TRIM38: variants seen among roughly 807,000 people sequenced by gnomAD.
TRIM38 encodes the protein tripartite motif containing 38.
A neutral mutation model predicts 35.8 loss-of-function variants in TRIM38; 35 were observed. That is an observed-to-expected ratio of 0.98 (90% CI 0.75 to 1.30). The LOEUF (loss-of-function observed/expected upper bound fraction) is 1.30. Ranked by LOEUF, TRIM38 falls within the 50% of genes most tolerant of loss-of-function variation. The pLI is 0.00. For missense variants in TRIM38, 545 were observed against 556.9 expected (o/e 0.98, Z 0.21); for synonymous variants, 198 against 204.7 (o/e 0.97, Z 0.28).
Position 25,989,547 on chromosome 6 carries a change from T to G in TRIM38, c.*5860T>G, listed in dbSNP as rs1313904598. 2.9e-5 allele frequency: 4 copies of G among 140,250 alleles called. No individual in the cohort carries two copies. Among genetic ancestry groups the G allele is most frequent in the Admixed American group, 1.5e-4 (2 of 12,942 alleles). 8.7% of individuals were successfully genotyped at this position (140,250 alleles called of 1,614,324 possible). On this transcript the variant is annotated 3_prime_UTR_variant, in exon 8 of 8. Coordinates refer to ENST00000357085, the MANE Select transcript of TRIM38 (RefSeq NM_006355.5). ...TTTTTTTTTTTTTAATAGAGACGGG[T>G]CTTGCTACAGTGCCCAGGCTGGTCT...
chr6:25,988,282 T>C lies in TRIM38; in HGVS notation c.*4595T>C, dbSNP rs78002920. ...TACCTGTTCTGCTGTTGTACACTGC[T>C]GCTTCAGTAAAAGTTGCTAACACCA... On this transcript the variant is annotated 3_prime_UTR_variant, in exon 8 of 8. Coordinates refer to ENST00000357085, the MANE Select transcript of TRIM38 (RefSeq NM_006355.5). 0.021 allele frequency: 3,141 copies of C among 152,244 alleles called. 91 individuals are homozygous for C. Among genetic ancestry groups the C allele is most frequent in the African/African-American group, 0.061 (2,540 of 41,502 alleles). 9.4% of individuals were successfully genotyped at this position (152,244 alleles called of 1,614,324 possible).
At chr6:25,967,969 G>A (rs567258478) in intron 3 of TRIM38, among the ~76,000 whole-genome samples, 1 of 152,326 alleles carries the variant, frequency 6.6e-6, no homozygotes, top group Non-Finnish European at 1.5e-5. Flanking sequence ...TGTGGAAGGT[G>A]AAGCAGAGGG....
rs1581616161 is a variant in TRIM38 at position 25,989,168 on chromosome 6, A to G, written c.*5481A>G. ...ATGACATGATGTCAAGCATCTTTTC[A>G]TATGCATACTTGCATCTGTGTATCT... On this transcript the variant is annotated 3_prime_UTR_variant, in exon 8 of 8. Transcript: ENST00000357085. 6.6e-6 allele frequency: 1 copy of G among 152,226 alleles called. No individual in the cohort carries two copies. Among genetic ancestry groups the G allele is most frequent in the Admixed American group, 6.5e-5 (1 of 15,278 alleles). The allele number at this position is 152,226 out of a possible 1,614,324, so 9.4% of individuals were successfully genotyped here. A position where few individuals can be genotyped will look rare whatever the true frequency, so the allele number is the denominator to read the frequency against.
rs114992356 is a variant in TRIM38, at chr6:25,983,145, G to T, written c.875-19G>T. ...CACAGCAACAAAATTATTTTTGTTT[G>T]TTTTGTTTTGTTTTGCAGTTAGTGT... is the stretch of plus-strand genomic sequence containing the variant. On this transcript the variant is annotated intron_variant, in intron 7 of 7. Transcript: ENST00000357085. 15,776 of 1,534,792 alleles carry T rather than the reference G, an allele frequency of 0.01. 109 individuals are homozygous for T. Among genetic ancestry groups the T allele is most frequent in the Middle Eastern group, 0.025 (143 of 5,688 alleles).
At chr6:25,971,805 C>T in intron 4 of TRIM38, 64 bp from the exon 5 acceptor site, 1 of 1,355,306 alleles carries the variant, frequency 7.4e-7, no homozygotes, top group Non-Finnish European at 1.0e-6. Flanking sequence ...TCTTGTTTAT[C>T]CATTCATCCA....
At chr6:25,964,449 C>T (rs936803767) in intron 2 of TRIM38, among the ~76,000 whole-genome samples, 56 of 152,208 alleles carry the variant, frequency 3.7e-4, no homozygotes, top group African/African-American at 1.1e-3. Context: ...CAGAGTTTAA[C>T]TTGTAAATGG....
Position 25,983,287 on chromosome 6 carries a change from T to TC in TRIM38, c.1002dup (p.Cys335LeufsTer6). 1.2e-6 allele frequency: 2 copies of TC among 1,614,152 alleles called. No homozygotes were observed. The highest frequency in any genetic ancestry group is 1.7e-6 in the Non-Finnish European group (2 of 1,180,026). ...ACATCTTCCAGGAGATTTACTGCCT[T>TC]CCCCTGTGTCTTGGGTTGTGAAGGC... On this transcript the variant is annotated frameshift_variant, in exon 8 of 8. Transcript: ENST00000357085. LOFTEE classifies it low-confidence loss of function (END_TRUNC).
rs781158747 is a variant in TRIM38, at chr6:25,966,574, A to G, written c.52A>G (p.Ile18Val). 2 of 1,614,090 alleles carry G rather than the reference A, an allele frequency of 1.2e-6. No individual in the cohort carries two copies. Among genetic ancestry groups the G allele is most frequent in the South Asian group, 2.2e-5 (2 of 91,080 alleles). ...KKMMEEATCS[I>V]CLSLMTNPVS... Reference sequence around the variant, plus strand: ...GATGATGGAGGAAGCCACCTGCTCCATCTGCCTGAGCCTGATGACGAACCC... The same window carrying G: ...GATGATGGAGGAAGCCACCTGCTCCGTCTGCCTGAGCCTGATGACGAACCC... The change falls in exon 3 of 8, where the codon ATC (isoleucine) becomes GTC (valine). Residue 18 changes from isoleucine to valine, a missense_variant. Physicochemically the swap from Ile to Val is conservative, Grantham distance 29. Coordinates refer to ENST00000357085, the MANE Select transcript of TRIM38 (RefSeq NM_006355.5).
At chr6:25,964,514 C>G (rs1181411447) in intron 2 of TRIM38, among the ~76,000 whole-genome samples, 1 of 152,100 alleles carries the variant, frequency 6.6e-6, no homozygotes, top group Non-Finnish European at 1.5e-5. Context: ...GTGAAAGTGT[C>G]TGATTAGGTC....
At position 25,990,999 on chromosome 6, in the gene TRIM38, TC is replaced by T. The variant is rs1486979937; in HGVS notation, c.*7313del. 1.3e-5 allele frequency: 2 copies of T among 152,198 alleles called. No individual in the cohort carries two copies. The highest frequency in any genetic ancestry group is 4.8e-5 in the African/African-American group (2 of 41,444). 9.4% of individuals were successfully genotyped at this position (152,198 alleles called of 1,614,324 possible). A position where few individuals can be genotyped will look rare whatever the true frequency, so the allele number is the denominator to read the frequency against. On this transcript the variant is annotated 3_prime_UTR_variant, in exon 8 of 8. Transcript: ENST00000357085. ...GAGTCCTTCAGGCCCCTCCAAACTG[TC>T]ATATTCCGGGCATCGGGTGTCCCCA...
chr6:25,965,722 G>GAGACCATCCT (rs60252649), intron 2 of TRIM38, among the ~76,000 whole-genome samples: 116,301 of 151,872 alleles, frequency 0.77, 45,139 homozygotes, highest in African/African-American at 0.9. Context: ...TCAAGAGATC[G>GAGACCATCCT]AGCCAACCAA....
Position 25,988,650 on chromosome 6 carries a change from T to A in TRIM38, c.*4963T>A, listed in dbSNP as rs1253602076. ...CTGGGATTACAGGCTCACGCCACTA[T>A]GCCCGGCTAATTGGGGTTTTCCCAT... On this transcript the variant is annotated 3_prime_UTR_variant, in exon 8 of 8. Transcript: ENST00000357085. 6.6e-6 allele frequency: 1 copy of A among 152,032 alleles called. No homozygotes were observed. The highest frequency in any genetic ancestry group is 6.6e-5 in the Admixed American group (1 of 15,250). The allele number at this position is 152,032 out of a possible 1,614,324, so 9.4% of individuals were successfully genotyped here.
rs1388405062 is a variant in TRIM38 at position 25,983,631 on chromosome 6, C to A, written c.1342C>A (p.Pro448Thr). The change falls in exon 8 of 8, where the codon CCC becomes ACC. Residue 448 changes from proline to threonine, a missense_variant. Physicochemically the swap from Pro to Thr is conservative, Grantham distance 38 (BLOSUM62 -1). Transcript: ENST00000357085. ...GGCTTCCTTCTCTGATACTCTCCGG[C>A]CCTATTTCCAGGTTTATCAATATTC... The part of the protein sequence containing the change: ...PKASFSDTLR[P>T]YFQVYQYSPL... 1 of 1,612,774 alleles carries A rather than the reference C, an allele frequency of 6.2e-7. No homozygotes were observed. Among genetic ancestry groups the A allele is most frequent in the Admixed American group, 1.7e-5 (1 of 59,822 alleles).
Position 25,982,244 on chromosome 6 carries a change from C to T in TRIM38, c.875-920C>T, listed in dbSNP as rs111947808. Among the ~76,000 whole-genome samples, 334 of 152,276 alleles carry T rather than the reference C, an allele frequency of 2.2e-3. 2 individuals are homozygous for T. The highest frequency in any genetic ancestry group is 3.4e-3 in the Non-Finnish European group (229 of 68,024). On this transcript the variant is annotated intron_variant, in intron 7 of 7. Transcript: ENST00000357085. ...TGGTTCCTTGCTTTTCACTCATAAA[C>T]GTGTCCTCTACTATCTCAAGCAGCA... is the stretch of plus-strand genomic sequence containing the variant.
At chr6:25,983,124 G>C (rs776393975) in intron 7 of TRIM38, 40 bp from the exon 8 acceptor site, 22 of 1,523,554 alleles carry the variant, frequency 1.4e-5, no homozygotes, top group Non-Finnish European at 1.4e-5. Context: ...GTTCTTCACA[G>C]CAACAAAATT....
In TRIM38 at chr6:25,988,156, A is replaced by C. The variant is rs1581615409; in HGVS notation, c.*4469A>C. Reference sequence around the variant, plus strand: ...AGAAATTTCTGCATAATCCCCCTTAACATGCACTTAACTAAAAGCAGGTAT... The same window carrying C: ...AGAAATTTCTGCATAATCCCCCTTACCATGCACTTAACTAAAAGCAGGTAT... On this transcript the variant is annotated 3_prime_UTR_variant, in exon 8 of 8. Transcript: ENST00000357085. The C allele has an allele frequency of 6.6e-6, 1 of 152,296 alleles. No homozygotes were observed. The highest frequency in any genetic ancestry group is 2.4e-5 in the African/African-American group (1 of 41,536). The allele number at this position is 152,296 out of a possible 1,614,324, so 9.4% of individuals were successfully genotyped here.
intron 7 of TRIM38, 107 bp downstream of exon 7, chr6:25,973,392 A>T: frequency 6.7e-7 from 1 of 1,483,290 alleles, no homozygotes; most frequent in Non-Finnish European, 9.0e-7. Flanking sequence ...GAGGTTGTTT[A>T]GTTAATTTCA....
rs199549986 is a variant in TRIM38 at position 25,983,515 on chromosome 6, C to T, written c.1226C>T (p.Pro409Leu). 3 of 1,614,044 alleles carry T rather than the reference C, an allele frequency of 1.9e-6. No individual in the cohort carries two copies. In the African/African-American group the frequency reaches 4.0e-5, roughly 22 times the overall value. Residue 409 changes from proline to leucine, a missense_variant, in exon 8 of 8, where the codon CCC becomes CTC. Physicochemically the swap from Pro to Leu is moderately conservative, Grantham distance 98. Transcript: ENST00000357085. ...ACTTCCCTTCATCTGCATGAGCAGCCCCTGCTTGTGGGAATTTTTCTGGAC... is the reference window on the plus strand; with the variant it reads ...ACTTCCCTTCATCTGCATGAGCAGCTCCTGCTTGTGGGAATTTTTCTGGAC... ...PPTSLHLHEQ[P>L]LLVGIFLDYE...
At position 25,988,114 on chromosome 6, in the gene TRIM38, G is replaced by A. The variant is rs1760763230; in HGVS notation, c.*4427G>A. The A allele has an allele frequency of 6.6e-6, 1 of 152,162 alleles. No individual in the cohort carries two copies. Among genetic ancestry groups the A allele is most frequent in the Non-Finnish European group, 1.5e-5 (1 of 68,036 alleles). 9.4% of individuals were successfully genotyped at this position (152,162 alleles called of 1,614,324 possible). On this transcript the variant is annotated 3_prime_UTR_variant, in exon 8 of 8. Transcript: ENST00000357085. The stretch of plus-strand genomic sequence containing the variant: ...TTCTTTCCTCTGTACCTACTCCGAA[G>A]TTACCACTCTTTTTCTAGAAATTTC...
Sources: gnomAD v4.1 joint callset for allele counts (sites outside exome capture counted in the v4.1 genomes callset) on GRCh38, gnomAD v4.1.1 for gene constraint, MANE v1.5 for transcripts, NCBI Gene and HGNC (gene_info 2026-07-23, HGNC 2026-07-21) for gene names.